The following LEPR variants were observed in gnomAD, a reference collection of about 807,000 sequenced individuals.
LEPR encodes OB receptor.
A neutral mutation model predicts 114.7 loss-of-function variants in LEPR; 56 were observed. The observed-to-expected ratio is 0.49, with a 90% CI of 0.39 to 0.61. The LOEUF is 0.61. Ranked by LOEUF, LEPR falls within the 20% of genes least tolerant of loss-of-function variation. The pLI is 0.00. For synonymous variants in LEPR, 443 were observed against 461.4 expected (o/e 0.96, Z 0.51); for missense variants, 1,202 against 1,352.9 (o/e 0.89, Z 1.75).
intron 2 of LEPR, among the ~76,000 whole-genome samples, chr1:65,477,933 AT>A (rs1260793683): frequency 6.6e-6 from 1 of 152,152 alleles, no homozygotes; most frequent in Non-Finnish European, 1.5e-5. Context: ...TACTTGGGCC[AT>A]TTTGGGTAGT....
chr1:65,528,970 ATT>A lies in LEPR; in HGVS notation c.-20-36561_-20-36560del, dbSNP rs370963043. Among the ~76,000 whole-genome samples, 368 of 142,672 alleles carry A rather than the reference ATT, an allele frequency of 2.6e-3. 1 individual carries two copies. Among genetic ancestry groups the A allele is most frequent in the Middle Eastern group, 3.5e-3 (1 of 282 alleles). 93.6% of individuals were successfully genotyped at this position (142,672 alleles called of 152,430 possible). A position where few individuals can be genotyped will look rare whatever the true frequency, so the allele number is the denominator to read the frequency against. On this transcript the variant is annotated intron_variant, in intron 2 of 19. Transcript: ENST00000349533. The stretch of plus-strand genomic sequence containing the variant: ...CAGGCGTGTGCCTCCACACCTGGCT[ATT>A]TTTTTTTTTTTTTTGTATTTTTAGT...
At chr1:65,450,316 T>G (rs972070083) in intron 2 of LEPR, among the ~76,000 whole-genome samples, 2 of 151,988 alleles carry the variant, frequency 1.3e-5, no homozygotes, top group Admixed American at 1.3e-4. Flanking sequence ...AGGGTACATG[T>G]GCACATTGTG....
In LEPR at chr1:65,636,502, A is replaced by C. The variant is rs1447911900; in HGVS notation, c.2985A>C (p.Pro995=). ...CCACGCTGATCAGCAACTCTAAACC[A>C]AGTGAAACTGGTGAAGAACAAGGGC... ...KYATLISNSK[P]SETGEEQGLI... is the part of the protein sequence containing the mutation. The change falls in exon 20 of 20, where the codon CCA becomes CCC. Residue 995 remains proline (P), a synonymous_variant. Transcript: ENST00000349533. The C allele has an allele frequency of 1.9e-6, 3 of 1,614,096 alleles. No individual in the cohort carries two copies. In the South Asian group the frequency reaches 3.3e-5, roughly 18 times the overall value.
intron 2 of LEPR, among the ~76,000 whole-genome samples, chr1:65,444,700 TTATTTAAA>T (rs1646692339): frequency 6.6e-6 from 1 of 152,124 alleles, no homozygotes; most frequent in Admixed American, 6.5e-5. Context: ...ATGAATAACT[TTATTTAAA>T]TGAGAAAAGT....
chr1:65,572,538 C>G (rs1654274287), intron 5 of LEPR, 89 bp downstream of exon 5: 2 of 1,260,192 alleles, frequency 1.6e-6, no homozygotes, highest in South Asian at 2.6e-5. Flanking sequence ...AAACCTCTTG[C>G]ATCCCTACAT....
intron 5 of LEPR, among the ~76,000 whole-genome samples, chr1:65,587,444 G>A (rs146396463): frequency 1.1e-4 from 16 of 152,086 alleles, no homozygotes; most frequent in African/African-American, 3.9e-4. Context: ...ATATTTTATG[G>A]GTGGATAGCA....
chr1:65,432,724 ATTTT>A, intron 2 of LEPR: 1 of 780,464 alleles, frequency 1.3e-6, no homozygotes, highest in Non-Finnish European at 1.6e-6. Flanking sequence ...AATAAGTGTG[ATTTT>A]TTTTTAAAGA....
intron 5 of LEPR, among the ~76,000 whole-genome samples, chr1:65,584,166 C>A (rs540729975): frequency 6.6e-6 from 1 of 151,878 alleles, no homozygotes; most frequent in Non-Finnish European, 1.5e-5. Context: ...TTACTGAAAT[C>A]GTCTTTCTTT....
At chr1:65,603,374 T>C (rs772801923) in intron 10 of LEPR, among the ~76,000 whole-genome samples, 6 of 142,610 alleles carry the variant, frequency 4.2e-5, no homozygotes, top group Non-Finnish European at 6.2e-5. Context: ...CACACACACA[T>C]TCATGATTGT....
In LEPR at chr1:65,637,128, G is replaced by A. The variant is rs1229676911; in HGVS notation, c.*113G>A. 2 of 1,216,992 alleles carry A rather than the reference G, an allele frequency of 1.6e-6. No homozygotes were observed. The highest frequency in any genetic ancestry group is 1.5e-5 in the African/African-American group (1 of 65,514). 75.4% of individuals were successfully genotyped at this position (1,216,992 alleles called of 1,614,324 possible). A position where few individuals can be genotyped will look rare whatever the true frequency, so the allele number is the denominator to read the frequency against. ...ACCAGAGTCAAATTTGAAAATAATT[G>A]TTCCAAATGAATGTTGTCTGTTTGT... On this transcript the variant is annotated 3_prime_UTR_variant, in exon 20 of 20. Transcript: ENST00000349533.
At chr1:65,534,710 G>T (rs767417891) in intron 2 of LEPR, among the ~76,000 whole-genome samples, 4 of 152,172 alleles carry the variant, frequency 2.6e-5, no homozygotes, top group Non-Finnish European at 5.9e-5. Context: ...GTGTGCCCTA[G>T]CTTTGGACCA....
rs1446132233 is a variant in LEPR, at chr1:65,601,623, C to G, written c.1226C>G (p.Ala409Gly). Residue 409 changes from alanine to glycine, a missense_variant, in exon 9 of 20, where the codon GCA becomes GGA. Coordinates refer to ENST00000349533, the MANE Select transcript of LEPR (RefSeq NM_002303.6). ...CCTCGAGGAAAGTTTACCTATGATGCAGTGTACTGCTGCAATGAACATGAA... is the reference window on the plus strand; with the variant it reads ...CCTCGAGGAAAGTTTACCTATGATGGAGTGTACTGCTGCAATGAACATGAA... ...TKPRGKFTYD[A>G]VYCCNEHECH... The G allele has an allele frequency of 6.2e-7, 1 of 1,613,532 alleles. No individual in the cohort carries two copies. The highest frequency in any genetic ancestry group is 1.7e-5 in the Admixed American group (1 of 59,984).
At chr1:65,625,040 A>G (rs1298408249) in intron 19 of LEPR, among the ~76,000 whole-genome samples, 1 of 152,186 alleles carries the variant, frequency 6.6e-6, no homozygotes, top group Non-Finnish European at 1.5e-5. Flanking sequence ...GAGTTTTTCA[A>G]GTAAATATTT....
At chr1:65,436,103 G>C in intron 2 of LEPR, 1 of 982,110 alleles carries the variant, frequency 1.0e-6, no homozygotes, top group Non-Finnish European at 1.2e-6. Flanking sequence ...AATTTTCCCA[G>C]TGTTTTTGTC....
In LEPR at chr1:65,636,666, A is replaced by G; in HGVS notation, c.3149A>G (p.His1050Arg). 1 of 1,609,676 alleles carries G rather than the reference A, an allele frequency of 6.2e-7. No homozygotes were observed. The highest frequency in any genetic ancestry group is 8.5e-7 in the Non-Finnish European group (1 of 1,177,376). ...CAGCATCCCAACATAATTTCACCAC[A>G]CCTCACATTCTCAGAAGGATTGGAT... The part of the protein sequence containing the change: ...SDQHPNIISP[H>R]LTFSEGLDEL... Residue 1050 changes from histidine to arginine, a missense_variant, in exon 20 of 20, where the codon CAC becomes CGC. Coordinates refer to ENST00000349533, the MANE Select transcript of LEPR (RefSeq NM_002303.6).
At chr1:65,500,028 T>C (rs1648363465) in intron 2 of LEPR, among the ~76,000 whole-genome samples, 1 of 152,136 alleles carries the variant, frequency 6.6e-6, no homozygotes, top group Admixed American at 6.6e-5. Flanking sequence ...TCCTGCATGC[T>C]GCTCTCATAA....
chr1:65,587,247 T>G (rs564161888), intron 5 of LEPR, among the ~76,000 whole-genome samples: 2 of 152,202 alleles, frequency 1.3e-5, no homozygotes, highest in East Asian at 3.9e-4. Context: ...GCAAGAATGT[T>G]TCCGACATAA....
chr1:65,516,508 C>T (rs188042389), intron 2 of LEPR, among the ~76,000 whole-genome samples: 4 of 152,276 alleles, frequency 2.6e-5, no homozygotes, highest in African/African-American at 7.2e-5. Context: ...AATGTGTTTC[C>T]GGCTCAAGCA....
intron 2 of LEPR, among the ~76,000 whole-genome samples, chr1:65,477,377 GA>G (rs1647171380): frequency 6.6e-6 from 1 of 152,196 alleles, no homozygotes; most frequent in Non-Finnish European, 1.5e-5. Flanking sequence ...GTCGTTAACA[GA>G]GTGCCTGGCA....
Sources: allele counts gnomAD v4.1 joint callset (sites outside exome capture counted in the v4.1 genomes callset), GRCh38; gene constraint gnomAD v4.1.1; transcripts MANE v1.5; gene names NCBI Gene and HGNC (gene_info 2026-07-23, HGNC 2026-07-21).